The following NUP35 variants were observed in gnomAD, a reference collection of about 807,000 sequenced individuals.
The protein encoded by NUP35 is nucleoporin NUP35.
Under a neutral mutation model 41.5 loss-of-function variants are expected in NUP35, and 25 were observed. That is an observed-to-expected ratio of 0.60 (90% CI 0.44 to 0.84). NUP35 has a LOEUF of 0.84. Among genes scored for constraint, NUP35 ranks in the 40% least tolerant of loss-of-function variants. The pLI is 0.00. For synonymous variants in NUP35, 149 were observed against 130.7 expected (o/e 1.14, Z -0.96); for missense variants, 396 against 396.6 (o/e 1.00, Z 0.01).
intron 1 of NUP35, among the ~76,000 whole-genome samples, chr2:183,126,751 AT>A (rs1684505838): frequency 6.6e-6 from 1 of 152,178 alleles, no homozygotes. Flanking sequence ...TAAGAAACAG[AT>A]TGTTAAGGCC....
In NUP35 at chr2:183,124,588, C is replaced by T. The variant is rs953704496; in HGVS notation, c.40+91C>T. The T allele has an allele frequency of 2.6e-6, 4 of 1,524,626 alleles. No individual in the cohort carries two copies. The South Asian group carries it at 4.5e-5, about 17-fold the overall frequency. The allele number at this position is 1,524,626 out of a possible 1,614,324, so 94.4% of individuals were successfully genotyped here. On this transcript the variant is annotated intron_variant, in intron 1 of 8. Coordinates refer to ENST00000295119, the MANE Select transcript of NUP35 (RefSeq NM_138285.5). ...GACTGAAAGGCAGTCGTCAGGCTCT[C>T]GTCTGCTGGTTTCAGTCGCGGAGAG...
upstream of NUP35, among the ~76,000 whole-genome samples, chr2:183,120,481 G>C (rs966498952): frequency 6.6e-6 from 1 of 151,722 alleles, no homozygotes; most frequent in African/African-American, 2.4e-5. Context: ...TTGGCTACTG[G>C]TGTGTTAGGC....
chr2:183,159,646 T>C lies in NUP35; in HGVS notation c.897T>C (p.Asp299=). 6.2e-7 allele frequency: 1 copy of C among 1,610,600 alleles called. No individual in the cohort carries two copies. Among genetic ancestry groups the C allele is most frequent in the Non-Finnish European group, 8.5e-7 (1 of 1,178,094 alleles). ...LATAYKASTS[D]YQVISDRQTP... The stretch of plus-strand genomic sequence containing the variant: ...CAGCATACAAAGCCTCTACTAGTGA[T>C]TATCAGGTATTTTAAGGATTGGATA... The change falls in exon 8 of 9, where the codon GAT becomes GAC. Residue 299 remains aspartate (D), a synonymous_variant. Coordinates refer to ENST00000295119, the MANE Select transcript of NUP35 (RefSeq NM_138285.5).
At chr2:183,119,689 A>C (rs1700039394), upstream of NUP35, among the ~76,000 whole-genome samples, 1 of 151,338 alleles carries the variant, frequency 6.6e-6, no homozygotes, top group Admixed American at 6.6e-5. Context: ...TTCTTTTTGG[A>C]GGGGGGTGGG....
At chr2:183,141,396 G>A (rs1209102007) in intron 4 of NUP35, among the ~76,000 whole-genome samples, 2 of 152,118 alleles carry the variant, frequency 1.3e-5, no homozygotes, top group African/African-American at 4.8e-5. Context: ...ATCTTGGAGG[G>A]CTGTCATTTA....
chr2:183,136,704 A>G (rs1400132), intron 4 of NUP35, among the ~76,000 whole-genome samples: 6,908 of 152,106 alleles, frequency 0.045, 246 homozygotes, highest in South Asian at 0.15. Flanking sequence ...GCTGAGTAGT[A>G]ACCCTAAGTT....
upstream of NUP35, chr2:183,124,221 A>G: frequency 1.0e-6 from 1 of 960,152 alleles, no homozygotes; most frequent in Non-Finnish European, 1.4e-6. Context: ...AAAAGCATTC[A>G]CAGAACCATA....
At chr2:183,160,012 C>CAGAA (rs1174031393) in intron 8 of NUP35, 1 of 175,572 alleles carries the variant, frequency 5.7e-6, no homozygotes, top group African/African-American at 2.4e-5. Context: ...ATCCAAAGTG[C>CAGAA]AGAACCTTAG....
intron 1 of NUP35, among the ~76,000 whole-genome samples, chr2:183,126,713 G>T (rs1684503562): frequency 6.6e-6 from 1 of 151,604 alleles, no homozygotes; most frequent in African/African-American, 2.4e-5. Flanking sequence ...ATAAGAGGAA[G>T]ACTAAATAGT....
chr2:183,155,076 G>A (rs1685606575), intron 5 of NUP35, among the ~76,000 whole-genome samples: 1 of 152,110 alleles, frequency 6.6e-6, no homozygotes, highest in African/African-American at 2.4e-5. Flanking sequence ...CCTCTCTCAG[G>A]TCCCTCTCAC....
At chr2:183,151,698 T>G (rs144014501) in intron 5 of NUP35, 49 bp downstream of exon 5, 1 of 1,523,136 alleles carries the variant, frequency 6.6e-7, no homozygotes, top group Non-Finnish European at 9.0e-7. Context: ...CCTAACATTT[T>G]ATAATGAATA....
chr2:183,120,529 T>G (rs1035563289), upstream of NUP35, among the ~76,000 whole-genome samples: 1 of 150,654 alleles, frequency 6.6e-6, no homozygotes, highest in South Asian at 2.1e-4. Flanking sequence ...ATGTAAGGAG[T>G]TGACTGCAAT....
At position 183,161,110 on chromosome 2, in the gene NUP35, G is replaced by A; in HGVS notation, c.960G>A (p.Met320Ile). The A allele has an allele frequency of 6.2e-7, 1 of 1,612,788 alleles. No individual in the cohort carries two copies. Among genetic ancestry groups the A allele is most frequent in the Non-Finnish European group, 8.5e-7 (1 of 1,179,146 alleles). Reference sequence around the variant, plus strand: ...ATGAAAGTCTTGTATCCAAAGCAATGGAGTACATGTTTGGCTGGTAGTAGA... The same window carrying A: ...ATGAAAGTCTTGTATCCAAAGCAATAGAGTACATGTTTGGCTGGTAGTAGA... ...KKDESLVSKA[M>I]EYMFGW Residue 320 changes from methionine to isoleucine, a missense_variant, in exon 9 of 9, where the codon ATG (methionine) becomes ATA (isoleucine). Met to Ile is a conservative substitution (Grantham distance 10). Transcript: ENST00000295119.
At chr2:183,159,238 T>A (rs3748882) in intron 7 of NUP35, among the ~76,000 whole-genome samples, 6,896 of 152,266 alleles carry the variant, frequency 0.045, 240 homozygotes, top group South Asian at 0.15. Context: ...TAGGAAATTC[T>A]TATTTTTGTG....
intron 3 of NUP35, 139 bp downstream of exon 3, chr2:183,130,684 A>G (rs1684667404): frequency 3.2e-6 from 3 of 938,354 alleles, no homozygotes; most frequent in Non-Finnish European, 4.9e-6. Context: ...CATTAAACAC[A>G]TCATAGAATC....
At chr2:183,147,144 C>T (rs1446450893) in intron 4 of NUP35, among the ~76,000 whole-genome samples, 1 of 152,024 alleles carries the variant, frequency 6.6e-6, no homozygotes, top group Non-Finnish European at 1.5e-5. Context: ...TTCTCCTATT[C>T]TGTAGGTTGT....
At chr2:183,120,992 G>T (rs1700059628), upstream of NUP35, among the ~76,000 whole-genome samples, 1 of 152,088 alleles carries the variant, frequency 6.6e-6, no homozygotes, top group Admixed American at 6.6e-5. Flanking sequence ...AGTTGAAAAA[G>T]AAAGGAGAGA....
At chr2:183,126,030 T>C (rs1352488166) in intron 1 of NUP35, among the ~76,000 whole-genome samples, 2 of 152,062 alleles carry the variant, frequency 1.3e-5, no homozygotes, top group Non-Finnish European at 2.9e-5. Context: ...CCTTCCTTCT[T>C]CCCTCTCTCC....
chr2:183,120,899 G>A (rs2105524484), upstream of NUP35, among the ~76,000 whole-genome samples: 1 of 152,314 alleles, frequency 6.6e-6, no homozygotes, highest in East Asian at 1.9e-4. Context: ...AGTGGCATTT[G>A]GCTTTAGAGA....
Sources: gnomAD v4.1 joint callset for allele counts (sites outside exome capture counted in the v4.1 genomes callset) on GRCh38, gnomAD v4.1.1 for gene constraint, MANE v1.5 for transcripts, NCBI Gene and HGNC (gene_info 2026-07-23, HGNC 2026-07-21) for gene names.